MYO1E: variants seen among roughly 807,000 people sequenced by gnomAD.
MYO1E encodes myosin IE.
MYO1E carries 68 observed loss-of-function variants against 151.1 expected under a neutral mutation model. The observed-to-expected ratio is 0.45, with a 90% CI of 0.37 to 0.55. The LOEUF is 0.55. Ranked by LOEUF, MYO1E falls within the 20% of genes least tolerant of loss-of-function variation. The probability of loss-of-function intolerance (pLI) is 0.00; values close to 1 mark genes in which losing one functional copy is unlikely to be tolerated. For missense variants in MYO1E, 1,363 were observed against 1,389.3 expected, an observed-to-expected ratio of 0.98 and a Z score of 0.30; for synonymous variants, 601 against 501.7, an observed-to-expected ratio of 1.20 and a Z score of -2.64.
chr15:59,355,664 T>C (rs1378820510), intron 1 of MYO1E, among the ~76,000 whole-genome samples: 2 of 152,210 alleles, frequency 1.3e-5, no homozygotes, highest in Non-Finnish European at 2.9e-5. Flanking sequence ...AATTGTCTAA[T>C]GCGCAATCCC....
chr15:59,211,199 CA>C (rs34629822), intron 12 of MYO1E, among the ~76,000 whole-genome samples: 44,425 of 116,112 alleles, frequency 0.38, 6,869 homozygotes, highest in East Asian at 0.58. Flanking sequence ...AACTCCAACT[CA>C]AAAAAAAAAA....
At position 59,178,465 on chromosome 15, in the gene MYO1E, C is replaced by T. The variant is rs1393706650; in HGVS notation, c.1977G>A (p.Leu659=). ...GEEKQGVLHL[L]QSVNMDSDQF... is the part of the protein sequence containing the mutation. ...GGTCGCTGTCCATGTTGACCGACTG[C>T]AGCAGGTGCAGGACGCCTTGCTTCT... is the stretch of plus-strand genomic sequence containing the variant. Residue 659 remains leucine (L), a synonymous_variant, in exon 19 of 28, where the codon CTG becomes CTA. Coordinates refer to ENST00000288235, the MANE Select transcript of MYO1E (RefSeq NM_004998.4). 6.2e-7 allele frequency: 1 copy of T among 1,614,190 alleles called. No individual in the cohort carries two copies. The highest frequency in any genetic ancestry group is 1.3e-5 in the African/African-American group (1 of 75,040).
chr15:59,146,994 T>A (rs2079445151), intron 26 of MYO1E, among the ~76,000 whole-genome samples: 2 of 152,218 alleles, frequency 1.3e-5, no homozygotes, highest in African/African-American at 4.8e-5. Context: ...AAATAACATT[T>A]CCTGATGAAT....
intron 25 of MYO1E, 94 bp from the exon 26 acceptor site, chr15:59,153,885 CT>C: frequency 8.5e-7 from 1 of 1,174,248 alleles, no homozygotes; most frequent in Non-Finnish European, 1.3e-6. Flanking sequence ...ACAAGGGCAG[CT>C]TACTTAACTT....
chr15:59,173,801 T>C lies in MYO1E; in HGVS notation c.2279A>G (p.Lys760Arg). 6.2e-7 allele frequency: 1 copy of C among 1,614,092 alleles called. No homozygotes were observed. Among genetic ancestry groups the C allele is most frequent in the Non-Finnish European group, 8.5e-7 (1 of 1,179,952 alleles). ...EHPELQQFVG[K>R]REKIDFADTV... ...GTCTGCGAAATCAATCTTCTCCCTC[T>C]TGCCCACGAACTGCTGGAGTTCTGG... Residue 760 changes from lysine to arginine, a missense_variant, in exon 21 of 28, where the codon AAG becomes AGG. Transcript: ENST00000288235.
intron 1 of MYO1E, among the ~76,000 whole-genome samples, chr15:59,307,038 T>C (rs1371047893): frequency 1.3e-5 from 2 of 152,140 alleles, no homozygotes; most frequent in Admixed American, 6.5e-5. Context: ...TGCAAGCATA[T>C]AGAAAGAGGC....
chr15:59,216,665 T>C (rs1423515123), intron 10 of MYO1E, among the ~76,000 whole-genome samples: 1 of 17,062 alleles, frequency 5.9e-5, no homozygotes, highest in African/African-American at 1.6e-4. Context: ...TGTGTGTATG[T>C]GTATATATAT....
chr15:59,372,263 AG>A, intron 1 of MYO1E, among the ~76,000 whole-genome samples: 1 of 152,084 alleles, frequency 6.6e-6, no homozygotes, highest in East Asian at 1.9e-4. Context: ...GGCCACAGAA[AG>A]TTTCGCGACG....
At chr15:59,141,318 A>AT (rs1483883400) in intron 26 of MYO1E, among the ~76,000 whole-genome samples, 1 of 152,216 alleles carries the variant, frequency 6.6e-6, no homozygotes, top group Non-Finnish European at 1.5e-5. Flanking sequence ...CTCCTCACAG[A>AT]TACTAAACTC....
chr15:59,181,499 G>C (rs1365351376), intron 18 of MYO1E, among the ~76,000 whole-genome samples: 1 of 152,218 alleles, frequency 6.6e-6, no homozygotes, highest in South Asian at 2.1e-4. Context: ...TGGGGAGATG[G>C]TGTAAATGGG....
intron 1 of MYO1E, among the ~76,000 whole-genome samples, chr15:59,362,084 G>A (rs573330555): frequency 7.2e-5 from 11 of 152,146 alleles, no homozygotes; most frequent in African/African-American, 1.7e-4. Context: ...TGATCCACCC[G>A]CCTCGGCCTT....
chr15:59,249,305 G>A (rs2080149974), intron 4 of MYO1E, among the ~76,000 whole-genome samples: 1 of 151,790 alleles, frequency 6.6e-6, no homozygotes, highest in African/African-American at 2.4e-5. Flanking sequence ...GGTGCCTGTA[G>A]TCCCAGCTAC....
chr15:59,251,922 G>T (rs538338301), intron 4 of MYO1E, among the ~76,000 whole-genome samples: 76 of 151,994 alleles, frequency 5.0e-4, no homozygotes, highest in African/African-American at 1.7e-3. Context: ...AACCAGAAAA[G>T]AAATTTTAAA....
intron 19 of MYO1E, among the ~76,000 whole-genome samples, chr15:59,177,753 T>C (rs534242430): frequency 9.3e-4 from 142 of 152,326 alleles, no homozygotes; most frequent in Middle Eastern, 3.4e-3. Flanking sequence ...TAGCAGACTG[T>C]TTGTGAATTG....
chr15:59,216,643 A>AGTGTGTGTGTGTGTGTGTGTGTGT (rs1301548766), intron 10 of MYO1E, among the ~76,000 whole-genome samples: 2,442 of 43,280 alleles, frequency 0.056, 478 homozygotes, highest in Middle Eastern at 0.11. Context: ...AAGGGCCCCC[A>AGTGTGTGTGTGTGTGTGTGTGTGT]GTGTGTGTGT....
chr15:59,209,815 CTTTTTTTTTTTTTTTTTTTTT>C (rs71119441), intron 13 of MYO1E, among the ~76,000 whole-genome samples: 2 of 49,838 alleles, frequency 4.0e-5, no homozygotes, highest in Non-Finnish European at 7.0e-5. Flanking sequence ...TTTGAATCAC[CTTTTTTTTTTTTTTTTTTTTT>C]TTTTTTTTTT....
chr15:59,310,159 C>A lies in MYO1E; in HGVS notation c.4-37710G>T, dbSNP rs1474274982. Among the ~76,000 whole-genome samples, 12 of 152,294 alleles carry A rather than the reference C, an allele frequency of 7.9e-5. 1 individual carries two copies. In the South Asian group the frequency reaches 2.5e-3, roughly 32 times the overall value. ...TAGTATTACTTACTCTAGGTCCAGG[C>A]AGCTTCCTAGCGCTCACGAAGAACA... On this transcript the variant is annotated intron_variant, in intron 1 of 27. Transcript: ENST00000288235.
chr15:59,261,893 G>A (rs2080226364), intron 2 of MYO1E, among the ~76,000 whole-genome samples: 2 of 152,124 alleles, frequency 1.3e-5, no homozygotes, highest in Non-Finnish European at 1.5e-5. Context: ...TTTCGTATCC[G>A]TTAGGTACAC....
chr15:59,167,300 T>C (rs1254432230), intron 22 of MYO1E, among the ~76,000 whole-genome samples: 1 of 152,156 alleles, frequency 6.6e-6, no homozygotes, highest in East Asian at 1.9e-4. Flanking sequence ...CACACAACTT[T>C]TGGTCTCATC....
Sources: gnomAD v4.1 joint callset for allele counts (sites outside exome capture counted in the v4.1 genomes callset) on GRCh38, gnomAD v4.1.1 for gene constraint, MANE v1.5 for transcripts, NCBI Gene and HGNC (gene_info 2026-07-23, HGNC 2026-07-21) for gene names.